The following GRM8 variants were observed in gnomAD, a reference collection of about 807,000 sequenced individuals.
GRM8 encodes the protein glutamate metabotropic receptor 8.
A neutral mutation model predicts 87.2 loss-of-function variants in GRM8; 47 were observed. The observed-to-expected ratio is 0.54, with a 90% CI of 0.43 to 0.69. The LOEUF is 0.69. Among genes scored for constraint, GRM8 ranks in the 30% least tolerant of loss-of-function variants. The pLI, the probability that GRM8 is intolerant of heterozygous loss-of-function variation, is 0.00. For missense variants in GRM8, 1,019 were observed against 1,139.2 expected (o/e 0.89, Z 1.52); for synonymous variants, 396 against 404.5 (o/e 0.98, Z 0.25).
At chr7:126,940,616 C>T (rs17869720) in intron 3 of GRM8, among the ~76,000 whole-genome samples, 2,429 of 152,294 alleles carry the variant, frequency 0.016, 61 homozygotes, top group African/African-American at 0.055. Flanking sequence ...CTTGATCCTC[C>T]ATCACTCAAA....
chr7:126,477,643 G>T (rs951819391), intron 9 of GRM8, among the ~76,000 whole-genome samples: 3 of 146,064 alleles, frequency 2.1e-5, no homozygotes, highest in African/African-American at 7.5e-5. Context: ...AAGAAAAAAC[G>T]AAAGAGAAAG....
chr7:126,866,534 T>A (rs1397345437), intron 6 of GRM8, among the ~76,000 whole-genome samples: 2 of 151,610 alleles, frequency 1.3e-5, no homozygotes, highest in African/African-American at 4.8e-5. Flanking sequence ...CTAAGAGCTT[T>A]ATGGCTCCAG....
chr7:126,461,956 T>A (rs1039671365), intron 9 of GRM8, among the ~76,000 whole-genome samples: 1 of 151,648 alleles, frequency 6.6e-6, no homozygotes, highest in Non-Finnish European at 1.5e-5. Context: ...AGCATTGTTG[T>A]CGAGGAGTGA....
intron 7 of GRM8, among the ~76,000 whole-genome samples, chr7:126,736,573 T>TA (rs1451658687): frequency 6.6e-6 from 1 of 152,042 alleles, no homozygotes; most frequent in East Asian, 1.9e-4. Flanking sequence ...TCCCTCTCCT[T>TA]ACATTTAGGC....
intron 3 of GRM8, among the ~76,000 whole-genome samples, chr7:127,077,988 G>A (rs1056561374): frequency 6.6e-6 from 1 of 152,200 alleles, no homozygotes; most frequent in Non-Finnish European, 1.5e-5. Flanking sequence ...ATCCTGCAAT[G>A]CACAGGACAG....
At chr7:126,714,941 C>T (rs958643740) in intron 7 of GRM8, among the ~76,000 whole-genome samples, 47 of 151,998 alleles carry the variant, frequency 3.1e-4, no homozygotes, top group African/African-American at 1.1e-3. Flanking sequence ...TTGTATTTAT[C>T]GATATCATAA....
chr7:126,599,991 T>G lies in GRM8; in HGVS notation c.1494+9371A>C, dbSNP rs1055986723. ...GGTGGATGGACGAATGGATGCTTTT[T>G]CAATGGCCTATATGTTCTTCCAAAT... On this transcript the variant is annotated intron_variant, in intron 8 of 10. Transcript: ENST00000339582. 2.2e-4 allele frequency among the ~76,000 whole-genome samples: 34 copies of G among 152,158 alleles called. 1 individual carries two copies. The highest frequency in any genetic ancestry group is 1.0e-4 in the Non-Finnish European group (7 of 68,012).
At chr7:126,892,196 G>T (rs1478314406) in intron 6 of GRM8, among the ~76,000 whole-genome samples, 1 of 151,716 alleles carries the variant, frequency 6.6e-6, no homozygotes, top group Non-Finnish European at 1.5e-5. Flanking sequence ...ACAATGTGCA[G>T]GTTATTTACA....
At chr7:126,914,464 G>A (rs1325127986) in intron 3 of GRM8, among the ~76,000 whole-genome samples, 1 of 152,128 alleles carries the variant, frequency 6.6e-6, no homozygotes, top group African/African-American at 2.4e-5. Context: ...AAACACACAT[G>A]CACCTATATG....
At chr7:127,012,407 A>G (rs1172950061) in intron 3 of GRM8, among the ~76,000 whole-genome samples, 1 of 152,114 alleles carries the variant, frequency 6.6e-6, no homozygotes, top group Non-Finnish European at 1.5e-5. Context: ...AATTCCTAGG[A>G]TTTCAGTATC....
At chr7:126,901,501 G>A (rs2131194137) in intron 6 of GRM8, among the ~76,000 whole-genome samples, 1 of 152,288 alleles carries the variant, frequency 6.6e-6, no homozygotes, top group Non-Finnish European at 1.5e-5. Context: ...AAAGTGCCTG[G>A]CACATGGAAG....
chr7:126,720,169 G>A (rs1269863153), intron 7 of GRM8, among the ~76,000 whole-genome samples: 1 of 141,940 alleles, frequency 7.0e-6, no homozygotes, highest in Non-Finnish European at 1.5e-5. Flanking sequence ...TTTTTTTTGA[G>A]ATGGGATCTG....
intron 6 of GRM8, among the ~76,000 whole-genome samples, chr7:126,849,080 C>T (rs1449141741): frequency 6.6e-6 from 1 of 152,066 alleles, no homozygotes; most frequent in East Asian, 1.9e-4. Context: ...GAACAACCTG[C>T]CCCTATGATT....
At chr7:126,776,688 C>T (rs557501021) in intron 6 of GRM8, among the ~76,000 whole-genome samples, 31 of 152,282 alleles carry the variant, frequency 2.0e-4, no homozygotes, top group South Asian at 2.1e-4. Context: ...GTAAAACCAA[C>T]GGCCTGAGAA....
intron 6 of GRM8, among the ~76,000 whole-genome samples, chr7:126,881,096 A>G (rs183888969): frequency 6.6e-6 from 1 of 152,228 alleles, no homozygotes; most frequent in Non-Finnish European, 1.5e-5. Context: ...ATATATTTTC[A>G]TATGGCCTCT....
chr7:126,569,428 GAAACAA>G (rs1412109676), intron 8 of GRM8, among the ~76,000 whole-genome samples: 1 of 152,020 alleles, frequency 6.6e-6, no homozygotes, highest in Admixed American at 6.6e-5. Flanking sequence ...TCTTCAAAAA[GAAACAA>G]AAATGCTGAA....
chr7:127,066,173 G>T (rs560873379), intron 3 of GRM8, among the ~76,000 whole-genome samples: 1 of 152,272 alleles, frequency 6.6e-6, no homozygotes, highest in South Asian at 2.1e-4. Flanking sequence ...AGAGCCCTGA[G>T]AACACCTGAT....
At position 126,987,451 on chromosome 7, in the gene GRM8, T is replaced by TTG. The variant is rs1449807149; in HGVS notation, c.728-82769_728-82768insCA. ...GAAGCATATCTTGTTCACAGTTTTT[T>TTG]TTTTTGTTTTTTGTTTGTTTGTTTT... On this transcript the variant is annotated intron_variant, in intron 3 of 10. Coordinates refer to ENST00000339582, the MANE Select transcript of GRM8 (RefSeq NM_000845.3). Among the ~76,000 whole-genome samples, 4 of 151,894 alleles carry TTG rather than the reference T, an allele frequency of 2.6e-5. No individual in the cohort carries two copies. The East Asian group carries it at 5.8e-4, about 22-fold the overall frequency.
At chr7:127,015,155 A>AAGG (rs1408579960) in intron 3 of GRM8, among the ~76,000 whole-genome samples, 1 of 51,284 alleles carries the variant, frequency 1.9e-5, no homozygotes, top group South Asian at 6.5e-4. Flanking sequence ...AAGAAGGAAG[A>AAGG]AGGAGAAGGA....
Sources: allele counts gnomAD v4.1 joint callset (sites outside exome capture counted in the v4.1 genomes callset), GRCh38; gene constraint gnomAD v4.1.1; transcripts MANE v1.5; gene names NCBI Gene and HGNC (gene_info 2026-07-23, HGNC 2026-07-21).